CYP7B1: variants seen among roughly 807,000 people sequenced by gnomAD.
CYP7B1 encodes cytochrome P450 family 7 subfamily B member 1.
Under a neutral mutation model 42.7 loss-of-function variants are expected in CYP7B1, and 29 were observed. That is an observed-to-expected ratio of 0.68 (90% CI 0.51 to 0.93). CYP7B1 has a LOEUF of 0.93. Among genes scored for constraint, CYP7B1 ranks in the 40% least tolerant of loss-of-function variants. The pLI, the probability that CYP7B1 is intolerant of heterozygous loss-of-function variation, is 0.00. For missense variants in CYP7B1, 655 were observed against 600.5 expected, an observed-to-expected ratio of 1.09 and a Z score of -0.95; for synonymous variants, 235 against 218.2, an observed-to-expected ratio of 1.08 and a Z score of -0.68.
chr8:64,745,900 G>A (rs1204136775), intron 1 of CYP7B1, among the ~76,000 whole-genome samples: 1 of 152,138 alleles, frequency 6.6e-6, no homozygotes, highest in Admixed American at 6.6e-5. Context: ...GCGTCCCTTT[G>A]CAAACAGCTG....
intron 1 of CYP7B1, among the ~76,000 whole-genome samples, chr8:64,782,447 GAC>G (rs539839015): frequency 1.8e-3 from 273 of 152,228 alleles, no homozygotes; most frequent in Admixed American, 3.3e-3. Context: ...GCCTTCATCA[GAC>G]ACAGCAACTG....
At chr8:64,716,434 C>T (rs116870655) in intron 1 of CYP7B1, among the ~76,000 whole-genome samples, 1 of 152,112 alleles carries the variant, frequency 6.6e-6, no homozygotes, top group Non-Finnish European at 1.5e-5. Flanking sequence ...GAGCCGGGCA[C>T]GGTGGCTCAC....
chr8:64,653,619 G>A (rs1273762869), intron 1 of CYP7B1, among the ~76,000 whole-genome samples: 1 of 152,038 alleles, frequency 6.6e-6, no homozygotes, highest in Non-Finnish European at 1.5e-5. Context: ...CAAAAATCGA[G>A]GAGAAGGGAC....
At chr8:64,660,545 G>A (rs1357540271) in intron 1 of CYP7B1, among the ~76,000 whole-genome samples, 1 of 152,182 alleles carries the variant, frequency 6.6e-6, no homozygotes, top group Non-Finnish European at 1.5e-5. Context: ...AAACCAAATA[G>A]CCCTCTCCAC....
chr8:64,779,968 T>C (rs1265730637), intron 1 of CYP7B1, among the ~76,000 whole-genome samples: 1 of 152,150 alleles, frequency 6.6e-6, no homozygotes, highest in Non-Finnish European at 1.5e-5. Flanking sequence ...CTGTTATACA[T>C]ATTTTTAAAC....
At chr8:64,670,109 G>C (rs1421799425) in intron 1 of CYP7B1, among the ~76,000 whole-genome samples, 1 of 152,218 alleles carries the variant, frequency 6.6e-6, no homozygotes, top group African/African-American at 2.4e-5. Context: ...AGAACTCAGA[G>C]AACACTGTCT....
At chr8:64,755,419 T>G (rs1292490726) in intron 1 of CYP7B1, among the ~76,000 whole-genome samples, 1 of 152,110 alleles carries the variant, frequency 6.6e-6, no homozygotes, top group Non-Finnish European at 1.5e-5. Context: ...TTTTTATTTT[T>G]TATTTATTTA....
intron 1 of CYP7B1, among the ~76,000 whole-genome samples, chr8:64,646,067 T>G (rs906848255): frequency 2.6e-5 from 4 of 152,142 alleles, no homozygotes; most frequent in Non-Finnish European, 5.9e-5. Flanking sequence ...ATTAAAGACT[T>G]AAACGTTAGA....
chr8:64,795,200 T>C (rs1309265148), intron 1 of CYP7B1, among the ~76,000 whole-genome samples: 1 of 152,242 alleles, frequency 6.6e-6, no homozygotes, highest in Non-Finnish European at 1.5e-5. Flanking sequence ...AAAATCATTA[T>C]GTTGAGAGAA....
chr8:64,778,948 C>T, intron 1 of CYP7B1, among the ~76,000 whole-genome samples: 1 of 152,118 alleles, frequency 6.6e-6, no homozygotes, highest in Non-Finnish European at 1.5e-5. Flanking sequence ...TCAAGTGTGG[C>T]TTTCACACAA....
chr8:64,764,339 T>A (rs1194582637), intron 1 of CYP7B1, among the ~76,000 whole-genome samples: 4 of 149,608 alleles, frequency 2.7e-5, no homozygotes, highest in African/African-American at 7.4e-5. Flanking sequence ...GAACTGGGTC[T>A]ACAACAACAT....
chr8:64,587,327 C>G (rs547714775), downstream of CYP7B1, among the ~76,000 whole-genome samples: 1 of 152,298 alleles, frequency 6.6e-6, no homozygotes, highest in East Asian at 1.9e-4. Context: ...CCCCTGGGAC[C>G]GACGTTTCCA....
chr8:64,631,151 AGACCAATACC>A (rs1242257291), intron 1 of CYP7B1, among the ~76,000 whole-genome samples: 4 of 152,204 alleles, frequency 2.6e-5, no homozygotes, highest in South Asian at 2.1e-4. Context: ...GGAAAATTGC[AGACCAATACC>A]TCTTATAAAC....
intron 1 of CYP7B1, among the ~76,000 whole-genome samples, chr8:64,714,389 A>G (rs1316673404): frequency 6.6e-6 from 1 of 152,238 alleles, no homozygotes; most frequent in Non-Finnish European, 1.5e-5. Context: ...CATTCAAACC[A>G]TTGTGACCCG....
At chr8:64,638,237 C>T (rs1585823288) in intron 1 of CYP7B1, among the ~76,000 whole-genome samples, 1 of 152,136 alleles carries the variant, frequency 6.6e-6, no homozygotes, top group East Asian at 1.9e-4. Context: ...CTCACTAGCT[C>T]CAGATCCTTA....
At chr8:64,769,538 T>G (rs1804182622) in intron 1 of CYP7B1, among the ~76,000 whole-genome samples, 1 of 152,172 alleles carries the variant, frequency 6.6e-6, no homozygotes, top group South Asian at 2.1e-4. Flanking sequence ...TCTAAAGACT[T>G]TTTTACCCCG....
At chr8:64,663,796 T>A (rs921243906) in intron 1 of CYP7B1, among the ~76,000 whole-genome samples, 5 of 152,116 alleles carry the variant, frequency 3.3e-5, no homozygotes, top group Non-Finnish European at 2.9e-5. Context: ...GACCAAAAAT[T>A]TCATTTCTGT....
In CYP7B1 at chr8:64,692,984, T is replaced by G. The variant is rs150264082; in HGVS notation, c.123-68445A>C. Among the ~76,000 whole-genome samples, 9 of 152,362 alleles carry G rather than the reference T, an allele frequency of 5.9e-5. No homozygotes were observed. In the East Asian group the frequency reaches 1.7e-3, roughly 29 times the overall value. On this transcript the variant is annotated intron_variant, in intron 1 of 5. Coordinates refer to ENST00000310193, the MANE Select transcript of CYP7B1 (RefSeq NM_004820.5). ...CATTCAAAGCTGTCTCCTCATGGACTGAAGAGGCTGGTCAGGACTAGGCTT... is the reference window on the plus strand; with the variant it reads ...CATTCAAAGCTGTCTCCTCATGGACGGAAGAGGCTGGTCAGGACTAGGCTT...
At chr8:64,791,985 T>C (rs756914280) in intron 1 of CYP7B1, among the ~76,000 whole-genome samples, 3 of 152,144 alleles carry the variant, frequency 2.0e-5, no homozygotes, top group Non-Finnish European at 4.4e-5. Flanking sequence ...TAAAAAATAG[T>C]TAAATCATCA....
Sources: gnomAD v4.1 joint callset for allele counts (sites outside exome capture counted in the v4.1 genomes callset) on GRCh38, gnomAD v4.1.1 for gene constraint, MANE v1.5 for transcripts, NCBI Gene and HGNC (gene_info 2026-07-23, HGNC 2026-07-21) for gene names.